Variants in RUNX1 observed in about 807,000 individuals in gnomAD.
RUNX1 encodes RUNX family transcription factor 1, also known as runt-related transcription factor 1.
RUNX1 carries 19 observed loss-of-function variants against 42.8 expected under a neutral mutation model. The ratio of observed to expected loss-of-function variants is 0.44; its 90% CI spans 0.31 to 0.65. The LOEUF (loss-of-function observed/expected upper bound fraction) is 0.65. Among genes scored for constraint, RUNX1 ranks in the 30% least tolerant of loss-of-function variants. The probability of loss-of-function intolerance (pLI) is 0.07; values close to 1 mark genes in which losing one functional copy is unlikely to be tolerated. For synonymous variants in RUNX1, 271 were observed against 289.4 expected (o/e 0.94, Z 0.64); for missense variants, 528 against 672.0 (o/e 0.79, Z 2.37).
chr21:34,965,029 T>A (rs943492737), intron 2 of RUNX1, among the ~76,000 whole-genome samples: 3 of 152,150 alleles, frequency 2.0e-5, no homozygotes, highest in Non-Finnish European at 4.4e-5. Context: ...TAGGCAGGGA[T>A]GTGAATACAC....
chr21:35,046,783 T>A (rs1353209810), intron 2 of RUNX1, among the ~76,000 whole-genome samples: 1 of 152,110 alleles, frequency 6.6e-6, no homozygotes. Context: ...CAATATTATA[T>A]TACCAAATTA....
intron 4 of RUNX1, among the ~76,000 whole-genome samples, chr21:34,884,972 G>A (rs1227572011): frequency 6.6e-6 from 1 of 152,156 alleles, no homozygotes; most frequent in Non-Finnish European, 1.5e-5. Context: ...CTGCTAGAAA[G>A]AATTCTGACA....
intron 2 of RUNX1, among the ~76,000 whole-genome samples, chr21:34,902,559 A>G (rs1226458098): frequency 6.6e-6 from 1 of 152,224 alleles, no homozygotes; most frequent in African/African-American, 2.4e-5. Context: ...ATTATCTTCA[A>G]ATGATAGCTA....
intron 2 of RUNX1, among the ~76,000 whole-genome samples, chr21:35,019,532 T>C (rs1392799275): frequency 6.6e-6 from 1 of 152,182 alleles, no homozygotes; most frequent in Admixed American, 6.5e-5. Flanking sequence ...AAAATGCTAA[T>C]GCTGAAAAAA....
At chr21:35,046,416 C>CA (rs1444200008) in intron 2 of RUNX1, among the ~76,000 whole-genome samples, 1 of 152,196 alleles carries the variant, frequency 6.6e-6, no homozygotes, top group Non-Finnish European at 1.5e-5. Flanking sequence ...AGGAAGAAAA[C>CA]AAAGATGCTG....
intron 3 of RUNX1, chr21:34,888,402 T>C: frequency 9.4e-7 from 1 of 1,067,178 alleles, no homozygotes; most frequent in Non-Finnish European, 1.1e-6. Flanking sequence ...TTTCTCCCCC[T>C]GTTGTAAAAG....
Position 35,021,769 on chromosome 21 carries a change from C to T in RUNX1, c.58+27073G>A, listed in dbSNP as rs549014319. Among the ~76,000 whole-genome samples, 32 of 152,232 alleles carry T rather than the reference C, an allele frequency of 2.1e-4. No homozygotes were observed. In the East Asian group the frequency reaches 4.1e-3, roughly 19 times the overall value. Reference sequence around the variant, plus strand: ...GATCAGGACATAGCTGGGGTGGGAGCGGGCCCTGCCTCAGGCCTCATCCAG... The same window carrying T: ...GATCAGGACATAGCTGGGGTGGGAGTGGGCCCTGCCTCAGGCCTCATCCAG... On this transcript the variant is annotated intron_variant, in intron 2 of 8. Transcript: ENST00000675419.
intron 2 of RUNX1, among the ~76,000 whole-genome samples, chr21:34,908,187 A>G (rs2058240383): frequency 6.6e-6 from 1 of 152,200 alleles, no homozygotes; most frequent in Non-Finnish European, 1.5e-5. Context: ...AGCCCCAAAA[A>G]AGTCATTCGA....
At chr21:34,793,226 G>T (rs760935550) in intron 8 of RUNX1, among the ~76,000 whole-genome samples, 2 of 152,016 alleles carry the variant, frequency 1.3e-5, no homozygotes, top group East Asian at 3.9e-4. Flanking sequence ...AGGAGGACGG[G>T]GATCAGGAGG....
intron 2 of RUNX1, among the ~76,000 whole-genome samples, chr21:35,045,324 T>G (rs933810318): frequency 6.6e-6 from 1 of 152,124 alleles, no homozygotes; most frequent in Non-Finnish European, 1.5e-5. Context: ...TCCCACAGTT[T>G]CCTTGTGGGC....
At chr21:34,908,199 C>G (rs1204004477) in intron 2 of RUNX1, among the ~76,000 whole-genome samples, 1 of 152,090 alleles carries the variant, frequency 6.6e-6, no homozygotes, top group Non-Finnish European at 1.5e-5. Flanking sequence ...GTCATTCGAA[C>G]AGAGTAATGA....
At position 34,909,409 on chromosome 21, in the gene RUNX1, T is replaced by C. The variant is rs183468420; in HGVS notation, c.59-16446A>G. ...GGTTTATTACTTTGTTCCTCCCTTGTCATTTTTTGCATGTCTCACATCAAA... is the reference window on the plus strand; with the variant it reads ...GGTTTATTACTTTGTTCCTCCCTTGCCATTTTTTGCATGTCTCACATCAAA... On this transcript the variant is annotated intron_variant, in intron 2 of 8. Coordinates refer to ENST00000675419, the MANE Select transcript of RUNX1 (RefSeq NM_001754.5). 1.8e-3 allele frequency among the ~76,000 whole-genome samples: 278 copies of C among 152,180 alleles called. 1 individual carries two copies. Among genetic ancestry groups the C allele is most frequent in the Middle Eastern group, 0.01 (3 of 294 alleles).
intron 6 of RUNX1, among the ~76,000 whole-genome samples, chr21:34,846,148 C>T (rs568840555): frequency 6.6e-6 from 1 of 150,924 alleles, no homozygotes; most frequent in African/African-American, 2.4e-5. Context: ...GGAAGTTGGC[C>T]ATAATGGGGC....
chr21:34,834,283 GA>G lies in RUNX1; in HGVS notation c.805+126del, dbSNP rs1317524046. 6.1e-6 allele frequency: 6 copies of G among 983,230 alleles called. No individual in the cohort carries two copies. In the African/African-American group the frequency reaches 9.5e-5, roughly 16 times the overall value. 60.9% of individuals were successfully genotyped at this position (983,230 alleles called of 1,614,324 possible). ...AGCTCCCAGGTGGTGCTGTTGGTTC[GA>G]GGCCTTTCTCTGAGCATCAAGGGGA... On this transcript the variant is annotated intron_variant, in intron 7 of 8. Transcript: ENST00000675419.
At chr21:34,968,076 C>T (rs943734532) in intron 2 of RUNX1, among the ~76,000 whole-genome samples, 18 of 152,160 alleles carry the variant, frequency 1.2e-4, no homozygotes, top group Admixed American at 4.6e-4. Flanking sequence ...GCAACTGTGG[C>T]AAGGGCGTGA....
At chr21:34,815,076 AAAAATTAAAAAGC>A (rs1427594036) in intron 7 of RUNX1, among the ~76,000 whole-genome samples, 1 of 152,206 alleles carries the variant, frequency 6.6e-6, no homozygotes, top group Non-Finnish European at 1.5e-5. Flanking sequence ...CTTTGAAAAA[AAAAATTAAAAAGC>A]AAACCAGTCT....
At chr21:35,018,207 G>A (rs187253723) in intron 2 of RUNX1, among the ~76,000 whole-genome samples, 133 of 152,202 alleles carry the variant, frequency 8.7e-4, no homozygotes, top group Middle Eastern at 6.8e-3. Context: ...TGCATTTTTA[G>A]TATTTTTAGG....
intron 2 of RUNX1, among the ~76,000 whole-genome samples, chr21:34,911,385 T>G (rs932177959): frequency 2.0e-5 from 3 of 152,164 alleles, no homozygotes; most frequent in African/African-American, 7.2e-5. Flanking sequence ...AGGGAGATCT[T>G]ACATACATGA....
rs1333436278 is a variant in RUNX1 at position 34,792,414 on chromosome 21, C to G, written c.1164G>C (p.Ser388=). The change falls in exon 9 of 9, where the codon TCG becomes TCC. Residue 388 remains serine, a synonymous_variant. Transcript: ENST00000675419. This position sits in a 1 kb window ranked among gnomAD's most constrained non-coding sequence, Gnocchi z 6.9. ...HTYLPPPYPG[S]SQAQGGPFQA... ...GGAACGGGCCTCCCTGCGCTTGCGA[C>G]GAGCCGGGGTAGGGCGGCGGCAGGT... The G allele has an allele frequency of 1.9e-6, 3 of 1,568,796 alleles. No individual in the cohort carries two copies. The highest frequency in any genetic ancestry group is 2.4e-5 in the East Asian group (1 of 42,450).
Sources: allele counts gnomAD v4.1 joint callset (sites outside exome capture counted in the v4.1 genomes callset), GRCh38; gene constraint gnomAD v4.1.1; non-coding constraint Gnocchi (gnomAD v3.1); transcripts MANE v1.5; gene names NCBI Gene and HGNC (gene_info 2026-07-23, HGNC 2026-07-21).